C6orf52: variants seen among roughly 807,000 people sequenced by gnomAD.
The protein encoded by C6orf52 is chromosome 6 open reading frame 52, also known as putative uncharacterized protein C6orf52.
Under a neutral mutation model 16.6 loss-of-function variants are expected in C6orf52, and 16 were observed. The ratio of observed to expected loss-of-function variants is 0.96; its 90% CI spans 0.65 to 1.46. The LOEUF (loss-of-function observed/expected upper bound fraction) is 1.46, where lower values mean the gene tolerates loss of function less well. Ranked by LOEUF, C6orf52 falls within the 40% of genes most tolerant of loss-of-function variation. The probability of loss-of-function intolerance (pLI) is 0.00; values close to 1 mark genes in which losing one functional copy is unlikely to be tolerated. For synonymous variants in C6orf52, 53 were observed against 61.4 expected (o/e 0.86, Z 0.64); for missense variants, 166 against 182.3 (o/e 0.91, Z 0.52).
At chr6:10,681,031 G>A (rs1768340571) in intron 4 of C6orf52, among the ~76,000 whole-genome samples, 1 of 152,134 alleles carries the variant, frequency 6.6e-6, no homozygotes, top group African/African-American at 2.4e-5. Flanking sequence ...CAAGCCCCTG[G>A]GCTCAAATGA....
intron 3 of C6orf52, chr6:10,684,876 C>A (rs971172313): frequency 7.8e-7 from 1 of 1,288,964 alleles, no homozygotes; most frequent in African/African-American, 1.5e-5. Context: ...AGCAGCTTCC[C>A]AACAGGGGAC....
chr6:10,681,877 G>A (rs951123078), intron 4 of C6orf52, among the ~76,000 whole-genome samples: 4 of 152,208 alleles, frequency 2.6e-5, no homozygotes, highest in Non-Finnish European at 5.9e-5. Context: ...TGCACAGGGG[G>A]CTTGGCTAAA....
chr6:10,694,628 C>CGTA, upstream of C6orf52: 83 of 195,942 alleles, frequency 4.2e-4, no homozygotes, highest in South Asian at 2.1e-3. Context: ...GCCCCACCTC[C>CGTA]TCCTGATGTC....
At chr6:10,681,496 A>G (rs1768390014) in intron 4 of C6orf52, among the ~76,000 whole-genome samples, 1 of 152,086 alleles carries the variant, frequency 6.6e-6, no homozygotes, top group Admixed American at 6.6e-5. Flanking sequence ...TTGTTCTTCT[A>G]GCTCCTTGAG....
At chr6:10,675,825 T>C (rs1414713231) in intron 4 of C6orf52, among the ~76,000 whole-genome samples, 2 of 152,170 alleles carry the variant, frequency 1.3e-5, no homozygotes, top group African/African-American at 2.4e-5. Context: ...TTGTACATCA[T>C]CTCTTGAGAA....
At chr6:10,690,463 CAG>C (rs1769195379) in intron 1 of C6orf52, among the ~76,000 whole-genome samples, 2 of 152,156 alleles carry the variant, frequency 1.3e-5, no homozygotes, top group African/African-American at 2.4e-5. Flanking sequence ...TTGAATTTAA[CAG>C]AGTTGCTGCC....
intron 4 of C6orf52, among the ~76,000 whole-genome samples, chr6:10,674,214 A>G (rs1767671821): frequency 6.6e-6 from 1 of 152,126 alleles, no homozygotes; most frequent in African/African-American, 2.4e-5. Context: ...CTCTACCCTC[A>G]TGACCTCACC....
intron 4 of C6orf52, among the ~76,000 whole-genome samples, chr6:10,676,427 G>C (rs559568406): frequency 6.6e-6 from 1 of 152,288 alleles, no homozygotes; most frequent in Admixed American, 6.5e-5. Flanking sequence ...CTGTAAAACT[G>C]AACTGCAGAC....
intron 1 of C6orf52, among the ~76,000 whole-genome samples, chr6:10,692,027 T>C (rs1452302624): frequency 6.6e-6 from 1 of 152,186 alleles, no homozygotes; most frequent in Non-Finnish European, 1.5e-5. Context: ...AAAATTTATT[T>C]TAAAAAGTGT....
At chr6:10,674,657 T>TA (rs57967252) in intron 4 of C6orf52, 1 of 138,954 alleles carries the variant, frequency 7.2e-6, no homozygotes, top group African/African-American at 3.2e-5. Context: ...TTTTTTTTTT[T>TA]AAAAGACTAG....
chr6:10,674,244 A>G (rs745539618), intron 4 of C6orf52, among the ~76,000 whole-genome samples: 5 of 152,134 alleles, frequency 3.3e-5, no homozygotes, highest in East Asian at 1.9e-4. Flanking sequence ...TCATCTCCCT[A>G]AAGACCCATC....
intron 1 of C6orf52, among the ~76,000 whole-genome samples, chr6:10,691,419 C>A (rs1269236470): frequency 6.6e-6 from 1 of 152,008 alleles, no homozygotes; most frequent in Non-Finnish European, 1.5e-5. Flanking sequence ...GACTGGGGGG[C>A]TGCATGCACC....
rs573638215 is a variant in C6orf52 at position 10,687,090 on chromosome 6, C to T, written c.146G>A (p.Arg49Gln). 23 of 1,551,936 alleles carry T rather than the reference C, an allele frequency of 1.5e-5. No individual in the cohort carries two copies. Among genetic ancestry groups the T allele is most frequent in the Middle Eastern group, 1.7e-4 (1 of 5,996 alleles). The change falls in exon 3 of 5, where the codon CGA (arginine) becomes CAA (glutamine). Residue 49 changes from arginine (R) to glutamine (Q), a missense_variant. Transcript: ENST00000259983. ...AGAAAGAAGGTAAGAGCCGTGCTGT[C>T]GCGCATACCAGTTGCCATAGCGGTA... The part of the protein sequence containing the change: ...QSYRYGNWYA[R>Q]QHGSYLLSGY...
intron 4 of C6orf52, among the ~76,000 whole-genome samples, chr6:10,682,238 C>T (rs531762541): frequency 6.6e-6 from 1 of 152,248 alleles, no homozygotes; most frequent in South Asian, 2.1e-4. Flanking sequence ...GCAAGAAATC[C>T]TGCATCAATT....
At chr6:10,685,750 C>T (rs1364184971) in intron 3 of C6orf52, among the ~76,000 whole-genome samples, 5 of 152,022 alleles carry the variant, frequency 3.3e-5, no homozygotes, top group Non-Finnish European at 7.4e-5. Flanking sequence ...AGGTATTTGC[C>T]CTCAATAATA....
chr6:10,676,729 T>A (rs1388132324), intron 4 of C6orf52, among the ~76,000 whole-genome samples: 2 of 152,224 alleles, frequency 1.3e-5, no homozygotes, highest in Non-Finnish European at 2.9e-5. Context: ...CCTGTAAAAT[T>A]GCCTGCTGTC....
chr6:10,692,231 A>G (rs1238487780), intron 1 of C6orf52, among the ~76,000 whole-genome samples: 1 of 152,216 alleles, frequency 6.6e-6, no homozygotes, highest in African/African-American at 2.4e-5. Flanking sequence ...AGTAAAATGC[A>G]TAAAGGCACA....
At chr6:10,676,339 G>A (rs1581534880) in intron 4 of C6orf52, among the ~76,000 whole-genome samples, 1 of 152,210 alleles carries the variant, frequency 6.6e-6, no homozygotes, top group South Asian at 2.1e-4. Flanking sequence ...ATTATTTAGG[G>A]TAAGAAAGTC....
intron 4 of C6orf52, among the ~76,000 whole-genome samples, chr6:10,677,822 CTG>C (rs1407924204): frequency 1.3e-5 from 2 of 151,920 alleles, no homozygotes; most frequent in African/African-American, 4.8e-5. Context: ...GCATGAGACA[CTG>C]TGCACTCGGT....
Sources: allele counts gnomAD v4.1 joint callset (sites outside exome capture counted in the v4.1 genomes callset), GRCh38; gene constraint gnomAD v4.1.1; transcripts MANE v1.5; gene names NCBI Gene and HGNC (gene_info 2026-07-23, HGNC 2026-07-21).